Variants in LHFPL3 observed in about 807,000 individuals in gnomAD.
The protein encoded by LHFPL3 is LHFPL tetraspan subfamily member 3 protein.
LHFPL3 carries 5 observed loss-of-function variants against 19.3 expected under a neutral mutation model. That is an observed-to-expected ratio of 0.26 (90% CI 0.14 to 0.54). LHFPL3 has a LOEUF of 0.54. Among genes scored for constraint, LHFPL3 ranks in the 20% least tolerant of loss-of-function variants. The pLI, the probability that LHFPL3 is intolerant of heterozygous loss-of-function variation, is 0.94. For missense variants in LHFPL3, 249 were observed against 307.4 expected, an observed-to-expected ratio of 0.81 and a Z score of 1.42; for synonymous variants, 133 against 126.2, an observed-to-expected ratio of 1.05 and a Z score of -0.36.
At chr7:104,533,815 T>G (rs1193195522) in intron 1 of LHFPL3, among the ~76,000 whole-genome samples, 1 of 152,194 alleles carries the variant, frequency 6.6e-6, no homozygotes, top group African/African-American at 2.4e-5. Flanking sequence ...TTCTTGGACT[T>G]CTACCTCCCT....
At chr7:104,469,266 CA>C (rs1562907177) in intron 1 of LHFPL3, among the ~76,000 whole-genome samples, 2 of 152,192 alleles carry the variant, frequency 1.3e-5, no homozygotes, top group African/African-American at 4.8e-5. Flanking sequence ...CCCAGCTCAT[CA>C]GCAGTGTGTT....
chr7:104,703,207 T>A (rs1793133412), intron 1 of LHFPL3, among the ~76,000 whole-genome samples: 1 of 152,224 alleles, frequency 6.6e-6, no homozygotes, highest in South Asian at 2.1e-4. Flanking sequence ...ACCGAACTGA[T>A]GTTTTTAACT....
chr7:104,437,092 C>G (rs1792122364), intron 1 of LHFPL3, among the ~76,000 whole-genome samples: 2 of 152,172 alleles, frequency 1.3e-5, no homozygotes, highest in Admixed American at 1.3e-4. Flanking sequence ...CTGTCAACCA[C>G]TTATCACAGA....
At chr7:104,835,864 T>C (rs1004876838) in intron 2 of LHFPL3, among the ~76,000 whole-genome samples, 2 of 152,000 alleles carry the variant, frequency 1.3e-5, no homozygotes, top group Non-Finnish European at 2.9e-5. Flanking sequence ...TATGAACCTG[T>C]CACCAAGGTT....
Position 104,619,888 on chromosome 7 carries a change from G to A in LHFPL3, c.446-116787G>A, listed in dbSNP as rs75029265. ...GGCAGCAGGGGGCGGGAATGGTTTC[G>A]GGATGAACTGTTCCACCTCAGATCA... On this transcript the variant is annotated intron_variant, in intron 1 of 2. Transcript: ENST00000424859. Among the ~76,000 whole-genome samples, 642 of 152,156 alleles carry A rather than the reference G, an allele frequency of 4.2e-3. 35 individuals are homozygous for A. In the East Asian group the frequency reaches 0.1, roughly 24 times the overall value.
chr7:104,610,663 A>G (rs1791196576), intron 1 of LHFPL3, among the ~76,000 whole-genome samples: 1 of 152,206 alleles, frequency 6.6e-6, no homozygotes. Flanking sequence ...TTTCATATTC[A>G]GCTGTCTATT....
intron 1 of LHFPL3, among the ~76,000 whole-genome samples, chr7:104,661,609 A>G (rs1792224894): frequency 6.6e-6 from 1 of 152,230 alleles, no homozygotes; most frequent in South Asian, 2.1e-4. Context: ...TGTTTCCTTC[A>G]TAATACAGTA....
chr7:104,516,314 A>C (rs546496642), intron 1 of LHFPL3, among the ~76,000 whole-genome samples: 32 of 152,220 alleles, frequency 2.1e-4, no homozygotes, highest in Non-Finnish European at 2.6e-4. Flanking sequence ...TGATTCAGTT[A>C]TCTCCCACTG....
At chr7:104,420,555 T>TTTC (rs1491505444) in intron 1 of LHFPL3, among the ~76,000 whole-genome samples, 6 of 3,066 alleles carry the variant, frequency 2.0e-3, no homozygotes, top group Non-Finnish European at 9.9e-3. Context: ...AAAGGGTGAA[T>TTTC]TTTTTTTTTT....
chr7:104,560,746 C>G (rs1789973761), intron 1 of LHFPL3, among the ~76,000 whole-genome samples: 1 of 145,504 alleles, frequency 6.9e-6, no homozygotes, highest in African/African-American at 2.6e-5. Context: ...TTTGCTCTTG[C>G]TTTTCTAGTT....
rs184442850 is a variant in LHFPL3, at chr7:104,668,027, G to A, written c.446-68648G>A. ...TCGACCGGAGCCGTCTTCCCAAATC[G>A]CCACCCTACACTGCTTTTCTAGGAA... On this transcript the variant is annotated intron_variant, in intron 1 of 2. Coordinates refer to ENST00000424859, the MANE Select transcript of LHFPL3 (RefSeq NM_199000.3). The A allele has an allele frequency of 7.5e-4, 1,204 of 1,613,658 alleles. 10 individuals are homozygous for A. The South Asian group carries it at 8.6e-3, about 12-fold the overall frequency.
chr7:104,549,927 TAGTC>T lies in LHFPL3; in HGVS notation c.446-186745_446-186742del, dbSNP rs546575788. Among the ~76,000 whole-genome samples the T allele has an allele frequency of 2.6e-5, 4 of 152,196 alleles. No homozygotes were observed. The South Asian group carries it at 6.2e-4, about 24-fold the overall frequency. Reference sequence around the variant, plus strand: ...GGCCAAAGGGAAGGGGCAATTGTATTAGTCAGGGCTCTCTAGAGGAACAGAGCCA... The same window carrying T: ...GGCCAAAGGGAAGGGGCAATTGTATTAGGGCTCTCTAGAGGAACAGAGCCA... On this transcript the variant is annotated intron_variant, in intron 1 of 2. Coordinates refer to ENST00000424859, the MANE Select transcript of LHFPL3 (RefSeq NM_199000.3).
intron 1 of LHFPL3, among the ~76,000 whole-genome samples, chr7:104,374,881 T>C (rs1436072722): frequency 6.6e-6 from 1 of 152,250 alleles, no homozygotes; most frequent in Admixed American, 6.5e-5. Context: ...GGAATTATTA[T>C]TTTTGAATGT....
intron 2 of LHFPL3, among the ~76,000 whole-genome samples, chr7:104,893,404 C>T (rs1219564912): frequency 6.6e-6 from 1 of 151,892 alleles, no homozygotes; most frequent in Non-Finnish European, 1.5e-5. Flanking sequence ...GTCCCAGCTA[C>T]TCAGGAGGCT....
At chr7:104,737,829 G>T (rs1015741853) in intron 2 of LHFPL3, among the ~76,000 whole-genome samples, 5 of 152,072 alleles carry the variant, frequency 3.3e-5, no homozygotes, top group Non-Finnish European at 4.4e-5. Context: ...ATCCATCCTT[G>T]AAGTATGAGA....
chr7:104,709,439 C>G (rs1438759031), intron 1 of LHFPL3, among the ~76,000 whole-genome samples: 4 of 125,106 alleles, frequency 3.2e-5, no homozygotes, highest in Non-Finnish European at 5.4e-5. Context: ...TGACTCTTAA[C>G]GAGCATGCTG....
intron 1 of LHFPL3, among the ~76,000 whole-genome samples, chr7:104,609,830 C>G (rs1791178464): frequency 6.6e-6 from 1 of 152,196 alleles, no homozygotes. Context: ...AGTGACTATT[C>G]TGGGAAGACA....
chr7:104,574,539 T>C (rs192478493), intron 1 of LHFPL3, among the ~76,000 whole-genome samples: 77 of 152,258 alleles, frequency 5.1e-4, no homozygotes, highest in African/African-American at 1.7e-3. Context: ...CCTAATCCTA[T>C]TGGAGTCTTT....
Position 104,328,886 on chromosome 7 carries a change from T to A in LHFPL3, c.107T>A (p.Ile36Asn). Residue 36 changes from isoleucine (I) to asparagine (N), a missense_variant, in exon 1 of 3, where the codon ATC becomes AAC. Transcript: ENST00000424859. This position sits in a 1 kb window ranked among gnomAD's most constrained non-coding sequence, Gnocchi z 4.6. ...HTNYVRNSRA[I>N]GVLWAIFTIC... The stretch of plus-strand genomic sequence containing the variant: ...AACTATGTGCGGAACTCGCGGGCCA[T>A]CGGCGTGCTGTGGGCCATCTTCACC... 6.2e-7 allele frequency: 1 copy of A among 1,614,170 alleles called. No individual in the cohort carries two copies. The highest frequency in any genetic ancestry group is 8.5e-7 in the Non-Finnish European group (1 of 1,180,028).
Sources: gnomAD v4.1 joint callset for allele counts (sites outside exome capture counted in the v4.1 genomes callset) on GRCh38, gnomAD v4.1.1 for gene constraint, Gnocchi (gnomAD v3.1) non-coding constraint, MANE v1.5 for transcripts, NCBI Gene and HGNC (gene_info 2026-07-23, HGNC 2026-07-21) for gene names.